Variants in ETFB observed in about 807,000 individuals in gnomAD.
ETFB encodes the protein electron transfer flavoprotein subunit beta.
A neutral mutation model predicts 25.6 loss-of-function variants in ETFB; 20 were observed. The observed-to-expected ratio is 0.78, with a 90% CI of 0.55 to 1.14. The LOEUF is 1.14. Among genes scored for constraint, ETFB ranks in the 50% most tolerant of loss-of-function variants. The pLI is 0.00. For synonymous variants in ETFB, 142 were observed against 146.7 expected (o/e 0.97, Z 0.23); for missense variants, 286 against 342.6 (o/e 0.83, Z 1.30).
At chr19:51,359,879 A>G (rs1389319435) in intron 1 of ETFB, among the ~76,000 whole-genome samples, 1 of 151,982 alleles carries the variant, frequency 6.6e-6, no homozygotes, top group African/African-American at 2.4e-5. Flanking sequence ...TTAGCAGGTC[A>G]TGGTGGCGTG....
In ETFB at chr19:51,353,203, G is replaced by T; in HGVS notation, c.304C>A (p.Leu102Met). 1 of 1,614,126 alleles carries T rather than the reference G, an allele frequency of 6.2e-7. No homozygotes were observed. ...TTGGCCAGGACCCGAGCCACCTGCA[G>T]GGGACCCAAGCGTTCTGCTTCTGCT... is the stretch of plus-strand genomic sequence containing the variant. ...PPAEAERLGP[L>M]QVARVLAKLA... Residue 102 changes from leucine to methionine, a missense_variant, in exon 3 of 6, where the codon CTG (leucine) becomes ATG (methionine). By Grantham distance (15) the Leu-to-Met change is conservative. Coordinates refer to ENST00000309244, the MANE Select transcript of ETFB (RefSeq NM_001985.3).
intron 1 of ETFB, 54 bp from the exon 2 acceptor site, chr19:51,354,362 GGGGC>G: frequency 6.2e-7 from 1 of 1,614,154 alleles, no homozygotes; most frequent in Non-Finnish European, 8.5e-7. Context: ...CAAGAAGGTG[GGGGC>G]CTCAGCGCCA....
At chr19:51,348,923 T>A (rs1376118426) in intron 4 of ETFB, among the ~76,000 whole-genome samples, 1 of 152,088 alleles carries the variant, frequency 6.6e-6, no homozygotes, top group Non-Finnish European at 1.5e-5. Flanking sequence ...ACAAAGAAAA[T>A]CCAAAAAACG....
rs1200903828 is a variant in ETFB, at chr19:51,347,060, TG to T, written c.439-3del. 1 of 1,613,904 alleles carries T rather than the reference TG, an allele frequency of 6.2e-7. No individual in the cohort carries two copies. Among genetic ancestry groups the T allele is most frequent in the Non-Finnish European group, 8.5e-7 (1 of 1,179,940 alleles). On this transcript the variant is annotated splice_polypyrimidine_tract_variant and splice_region_variant and intron_variant, in intron 4 of 5. Coordinates refer to ENST00000309244, the MANE Select transcript of ETFB (RefSeq NM_001985.3). ...CGTCACCTGGGAGGCGAATGTGCCCTGGGGAGGGACAGTGTAGGAGGAGAGT... is the reference window on the plus strand; with the variant it reads ...CGTCACCTGGGAGGCGAATGTGCCCTGGGAGGGACAGTGTAGGAGGAGAGT...
At chr19:51,350,505 G>A (rs2123580762) in intron 3 of ETFB, 114 bp from the exon 4 acceptor site, 1 of 670,476 alleles carries the variant, frequency 1.5e-6, no homozygotes, top group East Asian at 2.9e-5. Context: ...TTCTTTTTGA[G>A]ACGGAGTCTT....
intron 3 of ETFB, 97 bp downstream of exon 3, chr19:51,353,035 C>T (rs1985966414): frequency 1.3e-6 from 2 of 1,497,808 alleles, no homozygotes; most frequent in African/African-American, 2.7e-5. Context: ...GGTGAATGCC[C>T]TGGGCCTGGC....
Position 51,353,201 on chromosome 19 carries a change from C to T in ETFB, c.306G>A (p.Leu102=). The change falls in exon 3 of 6, where the codon CTG becomes CTA. Residue 102 remains leucine, a synonymous_variant. Coordinates refer to ENST00000309244, the MANE Select transcript of ETFB (RefSeq NM_001985.3). The part of the protein sequence containing the change: ...PPAEAERLGP[L]QVARVLAKLA... ...GCTTGGCCAGGACCCGAGCCACCTG[C>T]AGGGGACCCAAGCGTTCTGCTTCTG... The T allele has an allele frequency of 1.9e-6, 3 of 1,614,146 alleles. No individual in the cohort carries two copies. Among genetic ancestry groups the T allele is most frequent in the Non-Finnish European group, 2.5e-6 (3 of 1,180,016 alleles).
At chr19:51,363,773 T>C (rs1459534562) in intron 1 of ETFB, among the ~76,000 whole-genome samples, 4 of 151,956 alleles carry the variant, frequency 2.6e-5, no homozygotes, top group Non-Finnish European at 5.9e-5. Flanking sequence ...TTTGATATAA[T>C]CCATGAGTTG....
chr19:51,362,040 C>T (rs1420826067), intron 1 of ETFB, among the ~76,000 whole-genome samples: 2 of 151,970 alleles, frequency 1.3e-5, no homozygotes, highest in Non-Finnish European at 2.9e-5. Flanking sequence ...GAAGGTTAAG[C>T]TTCATCAGCT....
chr19:51,359,117 C>T (rs1268594218), intron 1 of ETFB, among the ~76,000 whole-genome samples: 1 of 152,036 alleles, frequency 6.6e-6, no homozygotes, highest in Non-Finnish European at 1.5e-5. Context: ...AGAGGTGCCA[C>T]CTTGCCTTAC....
intron 3 of ETFB, among the ~76,000 whole-genome samples, chr19:51,350,761 G>A (rs936741053): frequency 2.0e-5 from 3 of 152,056 alleles, no homozygotes; most frequent in African/African-American, 7.2e-5. Context: ...ATGAGTCACC[G>A]CAGCCAGTCG....
chr19:51,362,162 TACACACACACACACACACACAC>T (rs59581815), intron 1 of ETFB, among the ~76,000 whole-genome samples: 1 of 144,646 alleles, frequency 6.9e-6, no homozygotes, highest in East Asian at 2.1e-4. Flanking sequence ...CGGACACACA[TACACACACACACACACACACAC>T]ACACACACAC....
chr19:51,359,161 C>G (rs1986160192), intron 1 of ETFB, among the ~76,000 whole-genome samples: 1 of 151,924 alleles, frequency 6.6e-6, no homozygotes, highest in African/African-American at 2.4e-5. Context: ...AGGTGATCCT[C>G]CCACTTCAGC....
chr19:51,359,095 A>T (rs1365919086), intron 1 of ETFB, among the ~76,000 whole-genome samples: 1 of 151,676 alleles, frequency 6.6e-6, no homozygotes, highest in Admixed American at 6.6e-5. Flanking sequence ...CTCGTTGCCC[A>T]GGCTGGAGTG....
intron 3 of ETFB, among the ~76,000 whole-genome samples, chr19:51,352,755 G>A (rs1207677720): frequency 6.6e-6 from 1 of 152,082 alleles, no homozygotes; most frequent in African/African-American, 2.4e-5. Context: ...AGCCTCCCAA[G>A]TAGCTGGGAT....
intron 1 of ETFB, among the ~76,000 whole-genome samples, chr19:51,361,288 CA>C (rs1370864678): frequency 6.6e-6 from 1 of 152,158 alleles, no homozygotes; most frequent in Non-Finnish European, 1.5e-5. Flanking sequence ...TGACACAGCT[CA>C]AGGACTTGTG....
In ETFB at chr19:51,353,765, C is replaced by T. The variant is rs1344368225; in HGVS notation, c.216+385G>A. The stretch of plus-strand genomic sequence containing the variant: ...AGACCCAGGGGTCCAGACTTCCAGC[C>T]TCCTCCTCCCTCAGACCCAGGAGTC... On this transcript the variant is annotated intron_variant, in intron 2 of 5. Coordinates refer to ENST00000309244, the MANE Select transcript of ETFB (RefSeq NM_001985.3). 3.7e-5 allele frequency among the ~76,000 whole-genome samples: 3 copies of T among 81,082 alleles called. 1 individual carries two copies. The East Asian group carries it at 9.0e-4, about 24-fold the overall frequency. 53.2% of individuals were successfully genotyped at this position (81,082 alleles called of 152,430 possible).
chr19:51,364,341 G>A (rs146559289), intron 1 of ETFB, among the ~76,000 whole-genome samples: 3 of 152,186 alleles, frequency 2.0e-5, no homozygotes, highest in Admixed American at 6.5e-5. Context: ...CATCCAGTGA[G>A]ACAGGATGTA....
chr19:51,348,541 G>A (rs773733451), intron 4 of ETFB: 1 of 152,158 alleles, frequency 6.6e-6, no homozygotes, highest in Non-Finnish European at 1.5e-5. Flanking sequence ...GCTTGCTTGA[G>A]CCCAGGAGTT....
Sources: gnomAD v4.1 joint callset for allele counts (sites outside exome capture counted in the v4.1 genomes callset) on GRCh38, gnomAD v4.1.1 for gene constraint, MANE v1.5 for transcripts, NCBI Gene and HGNC (gene_info 2026-07-23, HGNC 2026-07-21) for gene names.